Variants in GRM1 observed in about 807,000 individuals in gnomAD.
GRM1 encodes glutamate metabotropic receptor 1.
GRM1 carries 33 observed loss-of-function variants against 90.9 expected under a neutral mutation model. That is an observed-to-expected ratio of 0.36 (90% CI 0.28 to 0.49). GRM1 has a LOEUF of 0.49. GRM1 is among the 20% of genes least tolerant of loss of function. The pLI, the probability that GRM1 is intolerant of heterozygous loss-of-function variation, is 0.99. For missense variants in GRM1, 1,190 were observed against 1,534.3 expected (o/e 0.78, Z 3.75); for synonymous variants, 700 against 613.2 (o/e 1.14, Z -2.09).
At chr6:146,362,292 G>C (rs1426273610) in intron 5 of GRM1, among the ~76,000 whole-genome samples, 1 of 152,098 alleles carries the variant, frequency 6.6e-6, no homozygotes, top group Admixed American at 6.6e-5. Context: ...ATGCCCTATT[G>C]CTGTAAAGTG....
chr6:146,384,961 A>C (rs1337910738), intron 5 of GRM1, among the ~76,000 whole-genome samples: 1 of 152,078 alleles, frequency 6.6e-6, no homozygotes, highest in Non-Finnish European at 1.5e-5. Context: ...CACAAAGAGA[A>C]AAAATTAAAA....
At chr6:146,039,098 G>A (rs894051783) in intron 1 of GRM1, among the ~76,000 whole-genome samples, 6 of 152,010 alleles carry the variant, frequency 3.9e-5, no homozygotes, top group African/African-American at 1.4e-4. Context: ...TCATTGAGGA[G>A]TAGAGATAGT....
chr6:146,102,247 T>C (rs1323676319), intron 1 of GRM1, among the ~76,000 whole-genome samples: 1 of 152,216 alleles, frequency 6.6e-6, no homozygotes, highest in Non-Finnish European at 1.5e-5. Context: ...CTTGCTTATA[T>C]GATATCCTCT....
chr6:146,417,318 G>A (rs1198797754), intron 7 of GRM1, among the ~76,000 whole-genome samples: 2 of 152,186 alleles, frequency 1.3e-5, no homozygotes, highest in African/African-American at 4.8e-5. Flanking sequence ...TTTTCAGTGG[G>A]AGAGTTAGTT....
intron 1 of GRM1, among the ~76,000 whole-genome samples, chr6:146,059,615 C>T (rs1239364705): frequency 1.3e-5 from 2 of 152,094 alleles, no homozygotes; most frequent in African/African-American, 4.8e-5. Flanking sequence ...GAGCTAGCAT[C>T]GACTTCTCCT....
chr6:146,279,866 G>T (rs764086606), intron 2 of GRM1, among the ~76,000 whole-genome samples: 12 of 151,950 alleles, frequency 7.9e-5, no homozygotes, highest in Non-Finnish European at 1.6e-4. Flanking sequence ...TATGACAAGG[G>T]CGTGATAATT....
At position 146,095,991 on chromosome 6, in the gene GRM1, T is replaced by C. The variant is rs1776861672; in HGVS notation, c.701-63357T>C. Among the ~76,000 whole-genome samples the C allele has an allele frequency of 2.0e-5, 3 of 152,136 alleles. No individual in the cohort carries two copies. In the South Asian group the frequency reaches 6.2e-4, roughly 31 times the overall value. On this transcript the variant is annotated intron_variant, in intron 1 of 7. Coordinates refer to ENST00000282753, the MANE Select transcript of GRM1 (RefSeq NM_001278064.2). ...TCTTCTCCTCTTTCCTGACAATATT[T>C]TGACCTCAAGACGCAGATTTATTAC...
intron 1 of GRM1, among the ~76,000 whole-genome samples, chr6:146,093,058 C>T (rs1407307996): frequency 6.6e-6 from 1 of 152,078 alleles, no homozygotes; most frequent in Non-Finnish European, 1.5e-5. Flanking sequence ...AGGTATTATT[C>T]TCTAAGTTTT....
At chr6:146,039,525 T>G (rs1791019515) in intron 1 of GRM1, among the ~76,000 whole-genome samples, 3 of 151,966 alleles carry the variant, frequency 2.0e-5, no homozygotes, top group African/African-American at 7.2e-5. Context: ...GTGAAGAATT[T>G]TATGCAGGAA....
intron 2 of GRM1, among the ~76,000 whole-genome samples, chr6:146,285,984 T>C (rs1782754470): frequency 6.6e-6 from 1 of 152,208 alleles, no homozygotes; most frequent in Middle Eastern, 3.2e-3. Context: ...TTTTTTTGCA[T>C]GGAGTTGAAA....
At chr6:146,372,735 G>A (rs756425133) in intron 5 of GRM1, among the ~76,000 whole-genome samples, 13 of 152,032 alleles carry the variant, frequency 8.6e-5, no homozygotes, top group African/African-American at 7.2e-5. Flanking sequence ...CCTAGTGTGT[G>A]TTATTGGTAC....
intron 2 of GRM1, among the ~76,000 whole-genome samples, chr6:146,231,007 G>C (rs1780432969): frequency 6.6e-6 from 1 of 152,128 alleles, no homozygotes; most frequent in Non-Finnish European, 1.5e-5. Context: ...GTTGAAGGCA[G>C]GGAGGGATGA....
chr6:146,172,544 G>A (rs985482798), intron 2 of GRM1, among the ~76,000 whole-genome samples: 2 of 152,198 alleles, frequency 1.3e-5, no homozygotes, highest in East Asian at 1.9e-4. Flanking sequence ...TGTGGAAAAA[G>A]CAGTATCTAG....
At chr6:146,377,102 T>G (rs1776129025) in intron 5 of GRM1, among the ~76,000 whole-genome samples, 1 of 152,014 alleles carries the variant, frequency 6.6e-6, no homozygotes, top group African/African-American at 2.4e-5. Context: ...CTTTAAACCT[T>G]TTTCCTTTAT....
chr6:146,299,281 T>C (rs1398434411), intron 2 of GRM1, among the ~76,000 whole-genome samples: 1 of 152,228 alleles, frequency 6.6e-6, no homozygotes, highest in Non-Finnish European at 1.5e-5. Context: ...AACTTTAATA[T>C]CACTTTCTCC....
At chr6:146,322,872 G>A (rs1479628658) in intron 3 of GRM1, among the ~76,000 whole-genome samples, 1 of 151,890 alleles carries the variant, frequency 6.6e-6, no homozygotes, top group African/African-American at 2.4e-5. Flanking sequence ...TTCTACTTGC[G>A]ATAGTTTGCT....
At chr6:146,405,550 G>GCT (rs1265441231) in intron 7 of GRM1, among the ~76,000 whole-genome samples, 1 of 152,160 alleles carries the variant, frequency 6.6e-6, no homozygotes, top group Non-Finnish European at 1.5e-5. Flanking sequence ...TCAAGATCAG[G>GCT]ATGCCAACAT....
intron 1 of GRM1, among the ~76,000 whole-genome samples, chr6:146,126,733 T>A (rs1369411280): frequency 4.6e-5 from 7 of 152,154 alleles, no homozygotes; most frequent in Non-Finnish European, 7.4e-5. Flanking sequence ...AAGCTCTTTT[T>A]AAAAAATTGT....
intron 7 of GRM1, among the ~76,000 whole-genome samples, chr6:146,432,575 A>C (rs1200398958): frequency 6.6e-6 from 1 of 152,214 alleles, no homozygotes; most frequent in African/African-American, 2.4e-5. Flanking sequence ...TTAAAGAAAA[A>C]AATGTCCATT....
Sources: gnomAD v4.1 joint callset for allele counts (sites outside exome capture counted in the v4.1 genomes callset) on GRCh38, gnomAD v4.1.1 for gene constraint, MANE v1.5 for transcripts, NCBI Gene and HGNC (gene_info 2026-07-23, HGNC 2026-07-21) for gene names.